The following ALKBH5 variants were observed in gnomAD, a reference collection of about 807,000 sequenced individuals.
The protein encoded by ALKBH5 is RNA demethylase ALKBH5.
A neutral mutation model predicts 32.1 loss-of-function variants in ALKBH5; 2 were observed. The ratio of observed to expected loss-of-function variants is 0.06; its 90% CI spans 0.03 to 0.20. The LOEUF (loss-of-function observed/expected upper bound fraction) is 0.20, where lower values mean the gene tolerates loss of function less well. Among genes scored for constraint, ALKBH5 ranks in the 10% least tolerant of loss-of-function variants. The probability of loss-of-function intolerance (pLI) is 1.00; values close to 1 mark genes in which losing one functional copy is unlikely to be tolerated. For missense variants in ALKBH5, 352 were observed against 559.5 expected (o/e 0.63, Z 3.74); for synonymous variants, 300 against 231.7 (o/e 1.29, Z -2.68).
At position 18,184,222 on chromosome 17, in the gene ALKBH5, C is replaced by T. The variant is rs985188639; in HGVS notation, c.-22C>T. ...GCTGCCCCGCCCGCCCCGGAGGACC[C>T]TAGAGCAGCGTCGTGGGGGCCATGG... On this transcript the variant is annotated 5_prime_UTR_variant, in exon 1 of 4. Transcript: ENST00000399138. 3.4e-5 allele frequency: 51 copies of T among 1,498,644 alleles called. No homozygotes were observed. Among genetic ancestry groups the T allele is most frequent in the African/African-American group, 2.9e-5 (2 of 68,532 alleles). The allele number at this position is 1,498,644 out of a possible 1,614,324, so 92.8% of individuals were successfully genotyped here.
intron 1 of ALKBH5, among the ~76,000 whole-genome samples, chr17:18,190,586 A>G (rs1445194614): frequency 1.3e-5 from 2 of 150,644 alleles, no homozygotes; most frequent in Admixed American, 6.6e-5. Flanking sequence ...CAGACACCTC[A>G]TTTAATTTGC....
intron 2 of ALKBH5, among the ~76,000 whole-genome samples, chr17:18,199,071 C>T (rs1294989759): frequency 6.6e-6 from 1 of 152,144 alleles, no homozygotes; most frequent in Non-Finnish European, 1.5e-5. Context: ...TATAGAAGGG[C>T]TTTCTTGCCT....
intron 1 of ALKBH5, among the ~76,000 whole-genome samples, chr17:18,193,221 A>G (rs1019626341): frequency 5.4e-5 from 7 of 130,586 alleles, no homozygotes; most frequent in African/African-American, 8.8e-5. Context: ...ATTCTTGTCT[A>G]GGAGCAGCTT....
At chr17:18,186,315 T>C (rs2142467750) in intron 1 of ALKBH5, among the ~76,000 whole-genome samples, 1 of 152,246 alleles carries the variant, frequency 6.6e-6, no homozygotes, top group South Asian at 2.1e-4. Context: ...CGCTCCTAGA[T>C]GGATGTCTTG....
intron 2 of ALKBH5, among the ~76,000 whole-genome samples, chr17:18,203,131 T>C (rs2047251495): frequency 6.6e-6 from 1 of 151,646 alleles, no homozygotes; most frequent in Admixed American, 6.6e-5. Flanking sequence ...GTTGCCCAGG[T>C]TGGTCTGAAA....
chr17:18,187,517 G>A lies in ALKBH5; in HGVS notation c.770+2504G>A, dbSNP rs117948084. On this transcript the variant is annotated intron_variant, in intron 1 of 3. Coordinates refer to ENST00000399138, the MANE Select transcript of ALKBH5 (RefSeq NM_017758.4). ...GGCTTCTATCTGCTAGGTGCCAATA[G>A]TGTTTTTTATGACAACCAGAAAGTG... 2.0e-3 allele frequency among the ~76,000 whole-genome samples: 310 copies of A among 152,332 alleles called. 1 individual carries two copies. The highest frequency in any genetic ancestry group is 6.8e-3 in the Middle Eastern group (2 of 294).
rs1333744517 is a variant in ALKBH5, at chr17:18,209,549, T to G, written c.*1153T>G. On this transcript the variant is annotated 3_prime_UTR_variant, in exon 4 of 4. Transcript: ENST00000399138. ...TAATAAGGAAAAAAAGGTAAAGTCT[T>G]TGGTAGCTTCTATCCACTCAGATCC... 1 of 152,230 alleles carries G rather than the reference T, an allele frequency of 6.6e-6. No homozygotes were observed. Among genetic ancestry groups the G allele is most frequent in the Admixed American group, 6.5e-5 (1 of 15,272 alleles). The allele number at this position is 152,230 out of a possible 1,614,324, so 9.4% of individuals were successfully genotyped here.
intron 1 of ALKBH5, among the ~76,000 whole-genome samples, chr17:18,190,978 G>A (rs1254317390): frequency 2.0e-5 from 3 of 152,184 alleles, no homozygotes; most frequent in African/African-American, 7.2e-5. Flanking sequence ...TCAGCCCAGA[G>A]AGGGAGCAGG....
chr17:18,192,172 TGCTGAATCCAGG>T (rs552584480), intron 1 of ALKBH5, among the ~76,000 whole-genome samples: 150 of 152,312 alleles, frequency 9.8e-4, no homozygotes, highest in African/African-American at 3.5e-3. Flanking sequence ...CTTTGGCAGA[TGCTGAATCCAGG>T]GCTCTGGCTT....
At chr17:18,208,146 A>G in intron 3 of ALKBH5, 73 bp from the exon 4 acceptor site, 3 of 1,489,690 alleles carry the variant, frequency 2.0e-6, no homozygotes, top group Non-Finnish European at 1.8e-6. Context: ...CAAGGATGAG[A>G]CGAGGTACAG....
rs775474036 is a variant in ALKBH5 at position 18,206,933 on chromosome 17, C to T, written c.970C>T (p.Arg324Trp). 18 of 1,614,230 alleles carry T rather than the reference C, an allele frequency of 1.1e-5. No individual in the cohort carries two copies. The Admixed American group carries it at 1.2e-4, about 10-fold the overall frequency. The change falls in exon 3 of 4, where the codon CGG (arginine) becomes TGG (tryptophan). Residue 324 changes from arginine (R) to tryptophan (W), a missense_variant. Physicochemically the swap from Arg to Trp is moderately radical, Grantham distance 101 (BLOSUM62 -3). Coordinates refer to ENST00000399138, the MANE Select transcript of ALKBH5 (RefSeq NM_017758.4). ...NNRDPALKPK[R>W]SHRKADPDAA... is the part of the protein sequence containing the mutation. ...CAGGGACCCTGCTCTGAAACCCAAG[C>T]GGTCCCACCGCAAGGCAGACCCTGA...
At position 18,193,345 on chromosome 17, in the gene ALKBH5, A is replaced by G. The variant is rs568239043; in HGVS notation, c.771-1610A>G. ...GGCGGATCACGAGGTCAGGAGTTCA[A>G]GACCATCCTGACCAACATAGTGAAA... On this transcript the variant is annotated intron_variant, in intron 1 of 3. Transcript: ENST00000399138. Among the ~76,000 whole-genome samples the G allele has an allele frequency of 1.9e-3, 289 of 152,144 alleles. 2 individuals are homozygous for G. Among genetic ancestry groups the G allele is most frequent in the African/African-American group, 6.7e-3 (279 of 41,516 alleles).
Position 18,208,602 on chromosome 17 carries a change from A to G in ALKBH5, c.*206A>G. On this transcript the variant is annotated 3_prime_UTR_variant, in exon 4 of 4. Coordinates refer to ENST00000399138, the MANE Select transcript of ALKBH5 (RefSeq NM_017758.4). ...GGACCTAGGTTCTCATATTCTTGGT[A>G]TTCCTCCTGGATGGAAAGGCTGTTG... is the stretch of plus-strand genomic sequence containing the variant. 1.4e-6 allele frequency: 1 copy of G among 690,562 alleles called. No homozygotes were observed. Among genetic ancestry groups the G allele is most frequent in the Non-Finnish European group, 2.6e-6 (1 of 391,152 alleles). 42.8% of individuals were successfully genotyped at this position (690,562 alleles called of 1,614,324 possible).
At chr17:18,201,826 T>TAGGATAGATA in intron 2 of ALKBH5, among the ~76,000 whole-genome samples, 1 of 125,822 alleles carries the variant, frequency 7.9e-6, no homozygotes, top group Non-Finnish European at 1.8e-5. Context: ...GATAGATAGA[T>TAGGATAGATA]AGATAGATAG....
chr17:18,190,577 A>G (rs1176365443), intron 1 of ALKBH5, among the ~76,000 whole-genome samples: 1 of 150,016 alleles, frequency 6.7e-6, no homozygotes, highest in African/African-American at 2.5e-5. Flanking sequence ...AAAAAATTTC[A>G]GACACCTCAT....
In ALKBH5 at chr17:18,184,050, T is replaced by G. The variant is rs1312792990; in HGVS notation, c.-194T>G. 8.9e-6 allele frequency: 6 copies of G among 677,396 alleles called. No homozygotes were observed. The Admixed American group carries it at 1.2e-4, about 14-fold the overall frequency. The allele number at this position is 677,396 out of a possible 1,614,324, so 42.0% of individuals were successfully genotyped here. A position where few individuals can be genotyped will look rare whatever the true frequency, so the allele number is the denominator to read the frequency against. On this transcript the variant is annotated 5_prime_UTR_variant, in exon 1 of 4. Coordinates refer to ENST00000399138, the MANE Select transcript of ALKBH5 (RefSeq NM_017758.4). ...GAAGAAGCCCCGTTGTCGCCACCGT[T>G]GCATGACCCGCCGCTCCTGAGGCCC...
chr17:18,187,641 G>A (rs568402670), intron 1 of ALKBH5, among the ~76,000 whole-genome samples: 3 of 152,270 alleles, frequency 2.0e-5, no homozygotes, highest in Non-Finnish European at 4.4e-5. Context: ...AAATCTTCTT[G>A]CACCTGCATA....
intron 2 of ALKBH5, among the ~76,000 whole-genome samples, chr17:18,200,811 G>C (rs1479171244): frequency 1.3e-5 from 2 of 152,198 alleles, no homozygotes; most frequent in East Asian, 3.8e-4. Context: ...TGGAGTCCAG[G>C]AACTCTGTTC....
chr17:18,195,725 A>C (rs1486451854), intron 2 of ALKBH5, among the ~76,000 whole-genome samples: 1 of 152,166 alleles, frequency 6.6e-6, no homozygotes, highest in Non-Finnish European at 1.5e-5. Flanking sequence ...GCATCCTCAA[A>C]GTCCTGGACT....
Sources: allele counts gnomAD v4.1 joint callset (sites outside exome capture counted in the v4.1 genomes callset), GRCh38; gene constraint gnomAD v4.1.1; transcripts MANE v1.5; gene names NCBI Gene and HGNC (gene_info 2026-07-23, HGNC 2026-07-21).